Variants in ZBTB20 observed in about 807,000 individuals in gnomAD.
The protein encoded by ZBTB20 is zinc finger and BTB domain containing 20.
In ZBTB20, 9 loss-of-function variants were observed where a neutral mutation model predicts 56.9. The ratio of observed to expected loss-of-function variants is 0.16; its 90% CI spans 0.10 to 0.28. ZBTB20 has a LOEUF of 0.28. Among genes scored for constraint, ZBTB20 ranks in the 10% least tolerant of loss-of-function variants. The pLI is 1.00. For missense variants in ZBTB20, 655 were observed against 1,003.0 expected (o/e 0.65, Z 4.69); for synonymous variants, 417 against 420.7 (o/e 0.99, Z 0.11).
At chr3:115,116,197 C>A (rs576227415) in intron 1 of ZBTB20, among the ~76,000 whole-genome samples, 111 of 152,078 alleles carry the variant, frequency 7.3e-4, no homozygotes, top group Middle Eastern at 3.4e-3. Flanking sequence ...TTAACAAACT[C>A]CACTCTCTCC....
At chr3:114,805,497 T>G (rs2072032630) in intron 4 of ZBTB20, among the ~76,000 whole-genome samples, 1 of 69,418 alleles carries the variant, frequency 1.4e-5, no homozygotes, top group South Asian at 6.4e-4. Context: ...TGATGTGCCC[T>G]TCTTATAACA....
intron 3 of ZBTB20, among the ~76,000 whole-genome samples, chr3:114,970,231 A>C (rs957735801): frequency 1.3e-5 from 2 of 152,170 alleles, no homozygotes; most frequent in Non-Finnish European, 2.9e-5. Context: ...GAAATTCACT[A>C]ATTAGTTGTG....
intron 4 of ZBTB20, among the ~76,000 whole-genome samples, chr3:114,886,811 A>G (rs1171070438): frequency 6.6e-6 from 1 of 152,254 alleles, no homozygotes; most frequent in African/African-American, 2.4e-5. Context: ...CAAGTATTCT[A>G]AAAACAGAGG....
At chr3:114,952,322 C>T (rs1487813775) in intron 3 of ZBTB20, among the ~76,000 whole-genome samples, 1 of 152,022 alleles carries the variant, frequency 6.6e-6, no homozygotes, top group Non-Finnish European at 1.5e-5. Flanking sequence ...CTGTCATGTG[C>T]TTTCTTGCCA....
chr3:114,901,434 CT>C (rs2075114333), intron 3 of ZBTB20, among the ~76,000 whole-genome samples: 1 of 152,034 alleles, frequency 6.6e-6, no homozygotes, highest in Non-Finnish European at 1.5e-5. Flanking sequence ...AAAACAACAT[CT>C]TCGTATATTC....
At chr3:114,928,975 C>T (rs532412316) in intron 3 of ZBTB20, among the ~76,000 whole-genome samples, 6 of 152,306 alleles carry the variant, frequency 3.9e-5, no homozygotes, top group African/African-American at 1.4e-4. Flanking sequence ...GTGTACTGTC[C>T]TCTGTGAGAC....
chr3:114,869,803 C>A (rs2075915685), intron 4 of ZBTB20, among the ~76,000 whole-genome samples: 1 of 152,076 alleles, frequency 6.6e-6, no homozygotes, highest in South Asian at 2.1e-4. Flanking sequence ...TGTTACATAA[C>A]CCACTTGGAA....
intron 2 of ZBTB20, among the ~76,000 whole-genome samples, chr3:114,975,180 AT>A (rs2078045550): frequency 6.6e-6 from 1 of 152,128 alleles, no homozygotes; most frequent in African/African-American, 2.4e-5. Context: ...CAATTTGGTG[AT>A]TTTGACTATA....
At chr3:114,806,133 ATAAGGG>A (rs2072086211) in intron 4 of ZBTB20, among the ~76,000 whole-genome samples, 1 of 151,820 alleles carries the variant, frequency 6.6e-6, no homozygotes, top group Non-Finnish European at 1.5e-5. Context: ...TTGCTGGATC[ATAAGGG>A]TAAGTTTATT....
At chr3:114,660,520 T>C (rs1480417133) in intron 6 of ZBTB20, among the ~76,000 whole-genome samples, 1 of 152,166 alleles carries the variant, frequency 6.6e-6, no homozygotes, top group African/African-American at 2.4e-5. Context: ...TTAGGGATTT[T>C]TTTTCCCCTT....
chr3:115,009,942 T>C (rs1394851417), intron 2 of ZBTB20, among the ~76,000 whole-genome samples: 1 of 151,972 alleles, frequency 6.6e-6, no homozygotes, highest in Admixed American at 6.6e-5. Context: ...CAAAATAAAC[T>C]AAGACAGTAT....
intron 7 of ZBTB20, among the ~76,000 whole-genome samples, chr3:114,393,372 T>C (rs2086055547): frequency 1.3e-5 from 2 of 152,254 alleles, no homozygotes; most frequent in Admixed American, 6.5e-5. Flanking sequence ...ATTTTAAATA[T>C]ATCTAAAATC....
rs917042459 is a variant in ZBTB20 at position 115,001,526 on chromosome 3, T to A, written c.-506-27110A>T. Among the ~76,000 whole-genome samples the A allele has an allele frequency of 3.1e-4, 45 of 147,238 alleles. 1 individual carries two copies. The highest frequency in any genetic ancestry group is 2.7e-3 in the Admixed American group (41 of 15,082). On this transcript the variant is annotated intron_variant, in intron 2 of 11. Coordinates refer to ENST00000675478, the MANE Select transcript of ZBTB20 (RefSeq NM_001348800.3). ...GCAATTTAATATACATACACAAGTTTAGGGATTTTTTTTTTAAAGAGAAAT... is the reference window on the plus strand; with the variant it reads ...GCAATTTAATATACATACACAAGTTAAGGGATTTTTTTTTTAAAGAGAAAT...
chr3:114,740,161 A>C (rs1055326961), intron 5 of ZBTB20, among the ~76,000 whole-genome samples: 7 of 152,194 alleles, frequency 4.6e-5, no homozygotes, highest in African/African-American at 1.7e-4. Flanking sequence ...GACATGAGAA[A>C]TAAAATATAA....
chr3:114,628,981 C>A (rs1490742380), intron 6 of ZBTB20, among the ~76,000 whole-genome samples: 1 of 152,114 alleles, frequency 6.6e-6, no homozygotes, highest in Non-Finnish European at 1.5e-5. Flanking sequence ...GCTATACATT[C>A]TAGGGATACT....
At chr3:115,089,398 T>C (rs1309017844) in intron 1 of ZBTB20, among the ~76,000 whole-genome samples, 1 of 151,826 alleles carries the variant, frequency 6.6e-6, no homozygotes, top group Non-Finnish European at 1.5e-5. Context: ...TAACTATAAT[T>C]ATCACTACAA....
intron 1 of ZBTB20, among the ~76,000 whole-genome samples, chr3:115,133,991 T>C (rs578126140): frequency 5.9e-4 from 90 of 152,356 alleles, no homozygotes; most frequent in African/African-American, 2.1e-3. Context: ...AGCCTTTAGA[T>C]TTATTTCGGG....
At chr3:115,005,289 G>A (rs2079417573) in intron 2 of ZBTB20, among the ~76,000 whole-genome samples, 1 of 151,430 alleles carries the variant, frequency 6.6e-6, no homozygotes, top group South Asian at 2.1e-4. Context: ...ATCTGTATTT[G>A]TATTTATTGT....
At chr3:114,545,065 C>G (rs2049703837) in intron 6 of ZBTB20, among the ~76,000 whole-genome samples, 2 of 152,280 alleles carry the variant, frequency 1.3e-5, no homozygotes, top group African/African-American at 2.4e-5. Context: ...CACACCTCTT[C>G]TTTCTTCCTG....
Sources: gnomAD v4.1 joint callset for allele counts (sites outside exome capture counted in the v4.1 genomes callset) on GRCh38, gnomAD v4.1.1 for gene constraint, MANE v1.5 for transcripts, NCBI Gene and HGNC (gene_info 2026-07-23, HGNC 2026-07-21) for gene names.